The following CADM1 variants were observed in gnomAD, a reference collection of about 807,000 sequenced individuals.
CADM1 encodes cell adhesion molecule 1, also known as TSLC-1.
CADM1 carries 15 observed loss-of-function variants against 53.1 expected under a neutral mutation model. The observed-to-expected ratio is 0.28, with a 90% CI of 0.19 to 0.44. The LOEUF (loss-of-function observed/expected upper bound fraction) is 0.44, where lower values mean the gene tolerates loss of function less well. CADM1 is among the 20% of genes least tolerant of loss of function. The pLI, the probability that CADM1 is intolerant of heterozygous loss-of-function variation, is 1.00. For synonymous variants in CADM1, 281 were observed against 243.0 expected, an observed-to-expected ratio of 1.16 and a Z score of -1.45; for missense variants, 434 against 611.3, an observed-to-expected ratio of 0.71 and a Z score of 3.06.
At chr11:115,211,199 C>A (rs936730250) in intron 7 of CADM1, among the ~76,000 whole-genome samples, 1 of 151,900 alleles carries the variant, frequency 6.6e-6, no homozygotes, top group African/African-American at 2.4e-5. Flanking sequence ...GGTAGGGAAG[C>A]ATTTTGTGAC....
At chr11:115,254,178 A>G (rs1264955525) in intron 1 of CADM1, among the ~76,000 whole-genome samples, 1 of 152,172 alleles carries the variant, frequency 6.6e-6, no homozygotes, top group African/African-American at 2.4e-5. Flanking sequence ...TCGAAAGCAT[A>G]ATACAGTATT....
chr11:115,416,331 A>G (rs1040950082), intron 1 of CADM1, among the ~76,000 whole-genome samples: 2 of 152,244 alleles, frequency 1.3e-5, no homozygotes, highest in Non-Finnish European at 2.9e-5. Context: ...AAAATATGAA[A>G]CAATATATTT....
intron 9 of CADM1, among the ~76,000 whole-genome samples, chr11:115,195,816 C>G (rs1940117028): frequency 6.6e-6 from 1 of 152,178 alleles, no homozygotes; most frequent in Admixed American, 6.5e-5. Flanking sequence ...GCTTTCATTA[C>G]AGCTTCTTTG....
chr11:115,374,115 T>C lies in CADM1; in HGVS notation c.124+130156A>G, dbSNP rs552651060. 1.1e-3 allele frequency among the ~76,000 whole-genome samples: 164 copies of C among 152,150 alleles called. 1 individual carries two copies. Among genetic ancestry groups the C allele is most frequent in the African/African-American group, 3.7e-3 (153 of 41,528 alleles). The stretch of plus-strand genomic sequence containing the variant: ...AAAAGAAATGAGCTTCTAGGAGAAA[T>C]AGCTGATTCCAGGTTTGAGGCAAGA... On this transcript the variant is annotated intron_variant, in intron 1 of 11. Transcript: ENST00000331581.
chr11:115,360,223 A>AT (rs1294337585), intron 1 of CADM1, among the ~76,000 whole-genome samples: 1 of 152,248 alleles, frequency 6.6e-6, no homozygotes, highest in Admixed American at 6.5e-5. Flanking sequence ...AAGTATAACT[A>AT]TAATACAACT....
At chr11:115,368,766 C>T (rs951162775) in intron 1 of CADM1, among the ~76,000 whole-genome samples, 1 of 151,986 alleles carries the variant, frequency 6.6e-6, no homozygotes, top group African/African-American at 2.4e-5. Context: ...ACTCCTAGTA[C>T]AGTACTGTCC....
chr11:115,217,854 C>A (rs1195983327), intron 6 of CADM1, 38 bp downstream of exon 6: 8 of 1,271,964 alleles, frequency 6.3e-6, no homozygotes, highest in South Asian at 3.6e-5. Context: ...ACATTTACTG[C>A]GCATGACCCT....
At chr11:115,490,908 G>C (rs990051522) in intron 1 of CADM1, among the ~76,000 whole-genome samples, 1 of 152,120 alleles carries the variant, frequency 6.6e-6, no homozygotes, top group Non-Finnish European at 1.5e-5. Context: ...GTGACAGTGA[G>C]GATTAAATGA....
intron 1 of CADM1, chr11:115,240,747 A>C (rs1942199384): frequency 5.8e-6 from 2 of 342,254 alleles, no homozygotes; most frequent in South Asian, 2.9e-5. Context: ...TGAATGCTGA[A>C]TCTCTCACAA....
chr11:115,288,996 T>G (rs755749381), intron 1 of CADM1, among the ~76,000 whole-genome samples: 2 of 152,156 alleles, frequency 1.3e-5, no homozygotes, highest in Non-Finnish European at 2.9e-5. Context: ...AAGGAACATG[T>G]TGATTTTGCT....
chr11:115,295,528 A>AT (rs1555057759), intron 1 of CADM1, among the ~76,000 whole-genome samples: 17 of 85,628 alleles, frequency 2.0e-4, no homozygotes, highest in Non-Finnish European at 2.8e-4. Context: ...ATATATATAT[A>AT]TATATATATA....
At chr11:115,180,653 C>T (rs765573959) in intron 10 of CADM1, among the ~76,000 whole-genome samples, 26 of 151,346 alleles carry the variant, frequency 1.7e-4, no homozygotes, top group Non-Finnish European at 2.8e-4. Flanking sequence ...TTTTTAGAGA[C>T]GACAAAGCTC....
chr11:115,454,885 A>T (rs1565436303), intron 1 of CADM1, among the ~76,000 whole-genome samples: 1 of 152,196 alleles, frequency 6.6e-6, no homozygotes, highest in Admixed American at 6.6e-5. Flanking sequence ...TTAAGGGACA[A>T]GTGTGGCACC....
At chr11:115,304,459 G>A (rs528523659) in intron 1 of CADM1, among the ~76,000 whole-genome samples, 1 of 152,086 alleles carries the variant, frequency 6.6e-6, no homozygotes, top group African/African-American at 2.4e-5. Flanking sequence ...CAGAAACAAG[G>A]ATCAAATGCT....
At chr11:115,357,589 G>A (rs1179184670) in intron 1 of CADM1, among the ~76,000 whole-genome samples, 2 of 152,112 alleles carry the variant, frequency 1.3e-5, no homozygotes, top group African/African-American at 4.8e-5. Flanking sequence ...TTACTTAACT[G>A]TTCTAAGCTC....
intron 1 of CADM1, among the ~76,000 whole-genome samples, chr11:115,349,238 G>C (rs1945662003): frequency 6.6e-6 from 1 of 152,144 alleles, no homozygotes; most frequent in Non-Finnish European, 1.5e-5. Flanking sequence ...TAGGATGTCA[G>C]AAAAATATAC....
At chr11:115,245,082 A>C (rs1485570047) in intron 1 of CADM1, among the ~76,000 whole-genome samples, 1 of 152,222 alleles carries the variant, frequency 6.6e-6, no homozygotes, top group East Asian at 1.9e-4. Context: ...ATACTATGGC[A>C]ACTACGTAAA....
At chr11:115,449,037 A>G (rs1948513502) in intron 1 of CADM1, among the ~76,000 whole-genome samples, 1 of 152,214 alleles carries the variant, frequency 6.6e-6, no homozygotes, top group East Asian at 1.9e-4. Flanking sequence ...GCAGAGACCA[A>G]GAGGGAAAAA....
intron 2 of CADM1, among the ~76,000 whole-genome samples, chr11:115,239,478 CCTTT>C (rs1007431840): frequency 3.9e-5 from 6 of 152,126 alleles, no homozygotes; most frequent in Non-Finnish European, 7.4e-5. Flanking sequence ...CTTTCAAAAT[CCTTT>C]CTTAATTTTG....
Sources: allele counts gnomAD v4.1 joint callset (sites outside exome capture counted in the v4.1 genomes callset), GRCh38; gene constraint gnomAD v4.1.1; transcripts MANE v1.5; gene names NCBI Gene and HGNC (gene_info 2026-07-23, HGNC 2026-07-21).